Variants in SDCCAG8 observed in about 807,000 individuals in gnomAD.
SDCCAG8 encodes the protein SHH signaling and ciliogenesis regulator SDCCAG8, also known as serologically defined colon cancer antigen 8.
Under a neutral mutation model 101.8 loss-of-function variants are expected in SDCCAG8, and 74 were observed. The observed-to-expected ratio is 0.73, with a 90% CI of 0.60 to 0.88. The LOEUF (loss-of-function observed/expected upper bound fraction) is 0.88, where lower values mean the gene tolerates loss of function less well. SDCCAG8 is among the 40% of genes least tolerant of loss of function. The pLI is 0.00. For missense variants in SDCCAG8, 787 were observed against 822.6 expected (o/e 0.96, Z 0.53); for synonymous variants, 281 against 292.9 (o/e 0.96, Z 0.41).
intron 13 of SDCCAG8, among the ~76,000 whole-genome samples, chr1:243,381,119 A>G (rs1461789179): frequency 1.3e-5 from 2 of 152,170 alleles, no homozygotes; most frequent in Admixed American, 6.5e-5. Flanking sequence ...TTCAAATGGC[A>G]TATTCTAAAC....
chr1:243,332,293 G>A (rs2802725), intron 10 of SDCCAG8, among the ~76,000 whole-genome samples: 64,846 of 152,094 alleles, frequency 0.43, 14,538 homozygotes, highest in East Asian at 0.74. Context: ...AAAAGGGATG[G>A]AAAGCCATTG....
At chr1:243,340,433 G>A (rs1020966618) in intron 10 of SDCCAG8, among the ~76,000 whole-genome samples, 1 of 152,172 alleles carries the variant, frequency 6.6e-6, no homozygotes, top group Non-Finnish European at 1.5e-5. Flanking sequence ...GGGAACTGGA[G>A]TCAAGGAAGA....
At chr1:243,256,355 A>C (rs2066677407) in intron 1 of SDCCAG8, 115 bp downstream of exon 1, 1 of 802,756 alleles carries the variant, frequency 1.2e-6, no homozygotes, top group African/African-American at 1.7e-5. Flanking sequence ...GCTACAGAGG[A>C]GCAAGATGGA....
At chr1:243,407,181 C>T (rs1219780467) in intron 13 of SDCCAG8, among the ~76,000 whole-genome samples, 7 of 152,154 alleles carry the variant, frequency 4.6e-5, no homozygotes, top group Non-Finnish European at 8.8e-5. Context: ...TGAATGGATG[C>T]GCAATCCACT....
Position 243,418,015 on chromosome 1 carries a change from A to G in SDCCAG8, c.1792A>G (p.Lys598Glu). The G allele has an allele frequency of 6.2e-7, 1 of 1,613,156 alleles. No individual in the cohort carries two copies. The highest frequency in any genetic ancestry group is 8.5e-7 in the Non-Finnish European group (1 of 1,179,328). The change falls in exon 15 of 18, where the codon AAG (lysine) becomes GAG (glutamate). Residue 598 changes from lysine to glutamate, a missense_variant. Lys to Glu is a moderately conservative substitution (Grantham distance 56, BLOSUM62 1). Transcript: ENST00000366541. ...GACCTCCCAGAATACATTTTTGACA[A>G]AGTTAAAGGAAGAATGCTGTACATT... ...LLTSQNTFLT[K>E]LKEECCTLAK...
intron 13 of SDCCAG8, among the ~76,000 whole-genome samples, chr1:243,394,371 TTCTTACTCTTAAC>T (rs1185688972): frequency 6.6e-6 from 1 of 152,238 alleles, no homozygotes; most frequent in Non-Finnish European, 1.5e-5. Context: ...ATTTAGTCTC[TTCTTACTCTTAAC>T]AGAATCTCGC....
intron 17 of SDCCAG8, among the ~76,000 whole-genome samples, chr1:243,497,684 T>C (rs181715128): frequency 1.3e-5 from 2 of 152,314 alleles, no homozygotes; most frequent in African/African-American, 4.8e-5. Flanking sequence ...CACATTTTAC[T>C]TTTACTTCAG....
intron 10 of SDCCAG8, among the ~76,000 whole-genome samples, chr1:243,339,254 A>G (rs2075242695): frequency 6.6e-6 from 1 of 152,216 alleles, no homozygotes; most frequent in African/African-American, 2.4e-5. Flanking sequence ...AAATGTCGGT[A>G]TATTTACTTC....
At chr1:243,421,740 T>C (rs1041052299) in intron 15 of SDCCAG8, among the ~76,000 whole-genome samples, 2 of 152,204 alleles carry the variant, frequency 1.3e-5, no homozygotes, top group African/African-American at 2.4e-5. Flanking sequence ...AGGCAGACAT[T>C]CTGGCTGATT....
At chr1:243,407,406 G>A (rs924257475) in intron 13 of SDCCAG8, among the ~76,000 whole-genome samples, 1 of 152,202 alleles carries the variant, frequency 6.6e-6, no homozygotes, top group African/African-American at 2.4e-5. Flanking sequence ...ATGAAGAATA[G>A]AGAGGTCGGT....
rs765751496 is a variant in SDCCAG8, at chr1:243,308,090, G to A, written c.842G>A (p.Gly281Asp). The change falls in exon 8 of 18, where the codon GGT becomes GAT. Residue 281 changes from glycine (G) to aspartate (D), a missense_variant. Coordinates refer to ENST00000366541, the MANE Select transcript of SDCCAG8 (RefSeq NM_006642.5). ...GCTAATACTTGTAACCGTGTTGGTG[G>A]TCTTTGTTTGAAATGTGCTCAGCAT... ...LAANTCNRVGGLCLKCAQHEA... is the reference protein window; with the variant it reads ...LAANTCNRVGDLCLKCAQHEA... The A allele has an allele frequency of 5.0e-6, 8 of 1,614,036 alleles. No homozygotes were observed. The highest frequency in any genetic ancestry group is 4.0e-5 in the African/African-American group (3 of 74,926).
At chr1:243,475,005 G>A (rs538036826) in intron 16 of SDCCAG8, among the ~76,000 whole-genome samples, 1 of 152,290 alleles carries the variant, frequency 6.6e-6, no homozygotes, top group South Asian at 2.1e-4. Flanking sequence ...GGGATTGGGG[G>A]AATGTCCGGA....
intron 16 of SDCCAG8, among the ~76,000 whole-genome samples, chr1:243,483,397 G>T (rs1406973479): frequency 6.6e-6 from 1 of 152,050 alleles, no homozygotes; most frequent in Non-Finnish European, 1.5e-5. Flanking sequence ...AGCGCCCTCC[G>T]CGACCCGCCC....
At chr1:243,351,369 C>A (rs2076074543) in intron 12 of SDCCAG8, among the ~76,000 whole-genome samples, 1 of 152,148 alleles carries the variant, frequency 6.6e-6, no homozygotes, top group Non-Finnish European at 1.5e-5. Context: ...ACTAGGAGAC[C>A]CAGGTCCTAC....
At chr1:243,339,242 A>G (rs2075241884) in intron 10 of SDCCAG8, among the ~76,000 whole-genome samples, 2 of 152,198 alleles carry the variant, frequency 1.3e-5, no homozygotes, top group Non-Finnish European at 1.5e-5. Flanking sequence ...AATTAGCAAA[A>G]TAAATGTCGG....
chr1:243,396,170 TAG>T (rs1033916734), intron 13 of SDCCAG8, among the ~76,000 whole-genome samples: 3 of 152,152 alleles, frequency 2.0e-5, no homozygotes, highest in African/African-American at 7.2e-5. Context: ...TAATTCAACA[TAG>T]AGTGATTTCA....
intron 13 of SDCCAG8, among the ~76,000 whole-genome samples, chr1:243,380,727 T>G (rs1045171087): frequency 6.6e-6 from 1 of 152,174 alleles, no homozygotes; most frequent in Non-Finnish European, 1.5e-5. Context: ...CTACTAAAAT[T>G]TAAACGTAGT....
At chr1:243,418,712 C>T (rs77727461) in intron 15 of SDCCAG8, among the ~76,000 whole-genome samples, 3,243 of 152,148 alleles carry the variant, frequency 0.021, 49 homozygotes, top group Non-Finnish European at 0.033. Flanking sequence ...GCAAGAAGCC[C>T]GACTCCCCAT....
chr1:243,488,865 G>C, intron 16 of SDCCAG8, 149 bp from the exon 17 acceptor site: 1 of 1,057,098 alleles, frequency 9.5e-7, no homozygotes, highest in Admixed American at 1.9e-5. Context: ...CAAGGACCTA[G>C]TGCCAGCCAG....
Sources: gnomAD v4.1 joint callset for allele counts (sites outside exome capture counted in the v4.1 genomes callset) on GRCh38, gnomAD v4.1.1 for gene constraint, MANE v1.5 for transcripts, NCBI Gene and HGNC (gene_info 2026-07-23, HGNC 2026-07-21) for gene names.